EBF1: variants seen among roughly 807,000 people sequenced by gnomAD.
The protein encoded by EBF1 is EBF transcription factor 1, also known as transcription factor COE1.
In EBF1, 10 loss-of-function variants were observed where a neutral mutation model predicts 68.4. That is an observed-to-expected ratio of 0.15 (90% CI 0.09 to 0.25). The LOEUF is 0.25. Among genes scored for constraint, EBF1 ranks in the 10% least tolerant of loss-of-function variants. EBF1 has a pLI of 1.00. For missense variants in EBF1, 509 were observed against 794.4 expected, an observed-to-expected ratio of 0.64 and a Z score of 4.32; for synonymous variants, 298 against 299.8, an observed-to-expected ratio of 0.99 and a Z score of 0.06.
At chr5:159,039,252 A>G (rs1264233188) in intron 6 of EBF1, among the ~76,000 whole-genome samples, 2 of 152,134 alleles carry the variant, frequency 1.3e-5, no homozygotes, top group African/African-American at 4.8e-5. Context: ...CTTTTGTATA[A>G]CTCTATGCAT....
At chr5:159,088,484 G>A (rs1035760231) in intron 4 of EBF1, among the ~76,000 whole-genome samples, 6 of 152,212 alleles carry the variant, frequency 3.9e-5, no homozygotes, top group Middle Eastern at 3.4e-3. Flanking sequence ...AAGTTTCTGC[G>A]TTTCTTCCTA....
At chr5:159,004,465 C>G (rs904821232) in intron 6 of EBF1, among the ~76,000 whole-genome samples, 30 of 152,046 alleles carry the variant, frequency 2.0e-4, no homozygotes, top group African/African-American at 7.0e-4. Flanking sequence ...GACCTGGGAC[C>G]AGAATTCGGG....
At chr5:158,922,512 TAACA>T (rs1265594350) in intron 6 of EBF1, among the ~76,000 whole-genome samples, 2 of 152,190 alleles carry the variant, frequency 1.3e-5, no homozygotes, top group Non-Finnish European at 2.9e-5. Flanking sequence ...ATTTTGTGGA[TAACA>T]AAGAGAATTA....
intron 8 of EBF1, among the ~76,000 whole-genome samples, chr5:158,807,444 A>G (rs898017792): frequency 3.3e-5 from 5 of 152,144 alleles, no homozygotes; most frequent in South Asian, 4.1e-4. Context: ...TCTGATTATA[A>G]AAGACATTAG....
chr5:158,788,612 T>A (rs6874808), intron 9 of EBF1, among the ~76,000 whole-genome samples: 2 of 152,174 alleles, frequency 1.3e-5, no homozygotes, highest in African/African-American at 2.4e-5. Context: ...GCCAACCTAG[T>A]GATCAGCAAT....
chr5:158,963,686 G>A (rs559755388), intron 6 of EBF1, among the ~76,000 whole-genome samples: 3 of 152,078 alleles, frequency 2.0e-5, no homozygotes, highest in Non-Finnish European at 2.9e-5. Context: ...ATATTAAATC[G>A]AAACATTTAA....
At chr5:158,971,711 A>G (rs571257654) in intron 6 of EBF1, among the ~76,000 whole-genome samples, 136 of 152,278 alleles carry the variant, frequency 8.9e-4, no homozygotes, top group Admixed American at 3.0e-3. Flanking sequence ...GAAGAGGTCT[A>G]AATATAAGAA....
intron 10 of EBF1, among the ~76,000 whole-genome samples, chr5:158,731,651 T>TGAG (rs1764116607): frequency 6.6e-6 from 1 of 151,762 alleles, no homozygotes; most frequent in South Asian, 2.1e-4. Flanking sequence ...TAGAGGAGAG[T>TGAG]GAGTAGAAGT....
intron 6 of EBF1, among the ~76,000 whole-genome samples, chr5:159,069,369 C>T (rs1238511720): frequency 1.3e-5 from 2 of 152,048 alleles, no homozygotes; most frequent in Non-Finnish European, 2.9e-5. Context: ...CCCCCTATCC[C>T]ACCCCACTGC....
At chr5:158,799,055 C>T (rs1428266211) in intron 8 of EBF1, among the ~76,000 whole-genome samples, 2 of 152,102 alleles carry the variant, frequency 1.3e-5, no homozygotes, top group Admixed American at 6.6e-5. Flanking sequence ...TCCCCACTGA[C>T]AAATTTCAAA....
At chr5:158,927,341 G>C (rs1423134655) in intron 6 of EBF1, among the ~76,000 whole-genome samples, 1 of 152,122 alleles carries the variant, frequency 6.6e-6, no homozygotes, top group East Asian at 1.9e-4. Flanking sequence ...ATGAATGCAA[G>C]AGGTGTCCTG....
intron 6 of EBF1, among the ~76,000 whole-genome samples, chr5:158,851,388 T>TGGG (rs1792629996): frequency 1.5e-4 from 1 of 6,614 alleles, no homozygotes; most frequent in Non-Finnish European, 3.0e-4. Context: ...GGAAGGGGAA[T>TGGG]GGGAGGGGGA....
chr5:159,065,612 G>C (rs535806698), intron 6 of EBF1, among the ~76,000 whole-genome samples: 1 of 151,750 alleles, frequency 6.6e-6, no homozygotes, highest in South Asian at 2.1e-4. Context: ...GAGCAAAAAA[G>C]TTCTTGAGGG....
At chr5:159,038,292 C>A (rs1334734385) in intron 6 of EBF1, among the ~76,000 whole-genome samples, 1 of 152,072 alleles carries the variant, frequency 6.6e-6, no homozygotes, top group Non-Finnish European at 1.5e-5. Flanking sequence ...GGGGGAAACC[C>A]ACCCTACTCT....
chr5:159,050,503 C>G (rs938074534), intron 6 of EBF1, among the ~76,000 whole-genome samples: 1 of 152,106 alleles, frequency 6.6e-6, no homozygotes, highest in Non-Finnish European at 1.5e-5. Context: ...AGCAGATGTC[C>G]CTTGACTTTA....
At chr5:158,762,685 G>A (rs928161282) in intron 10 of EBF1, among the ~76,000 whole-genome samples, 3 of 152,104 alleles carry the variant, frequency 2.0e-5, no homozygotes, top group Non-Finnish European at 4.4e-5. Context: ...ACAGGCGCCC[G>A]CCACTGCGCC....
chr5:158,878,523 C>T (rs1235312190), intron 6 of EBF1, among the ~76,000 whole-genome samples: 3 of 152,156 alleles, frequency 2.0e-5, no homozygotes, highest in Non-Finnish European at 4.4e-5. Flanking sequence ...TTAACCCCCA[C>T]AACAACACTA....
Position 159,095,694 on chromosome 5 carries a change from G to A in EBF1, c.356-19C>T, listed in dbSNP as rs141435103. On this transcript the variant is annotated intron_variant, in intron 3 of 15. Transcript: ENST00000313708. ...CTTATCCCTAGGGTTGGAAATGGGG[G>A]AAGGGAGGAGAATTAAGTGAGAGGT... is the stretch of plus-strand genomic sequence containing the variant. 6.2e-7 allele frequency: 1 copy of A among 1,613,770 alleles called. No homozygotes were observed. The highest frequency in any genetic ancestry group is 8.5e-7 in the Non-Finnish European group (1 of 1,179,788).
intron 6 of EBF1, among the ~76,000 whole-genome samples, chr5:159,000,818 G>A (rs1192280490): frequency 6.6e-6 from 1 of 152,090 alleles, no homozygotes; most frequent in Non-Finnish European, 1.5e-5. Flanking sequence ...ACAAAATGAT[G>A]ATGGGTAAAA....
Sources: allele counts gnomAD v4.1 joint callset (sites outside exome capture counted in the v4.1 genomes callset), GRCh38; gene constraint gnomAD v4.1.1; transcripts MANE v1.5; gene names NCBI Gene and HGNC (gene_info 2026-07-23, HGNC 2026-07-21).